The following CACNG2 variants were observed in gnomAD, a reference collection of about 807,000 sequenced individuals.
CACNG2 encodes the protein voltage-dependent calcium channel gamma-2 subunit.
CACNG2 carries 3 observed loss-of-function variants against 25.9 expected under a neutral mutation model. The ratio of observed to expected loss-of-function variants is 0.12; its 90% CI spans 0.05 to 0.30. CACNG2 has a LOEUF of 0.30. Ranked by LOEUF, CACNG2 falls within the 10% of genes least tolerant of loss-of-function variation. The pLI, the probability that CACNG2 is intolerant of heterozygous loss-of-function variation, is 1.00. For missense variants in CACNG2, 341 were observed against 432.5 expected (o/e 0.79, Z 1.88); for synonymous variants, 167 against 173.3 (o/e 0.96, Z 0.29).
intron 2 of CACNG2, among the ~76,000 whole-genome samples, chr22:36,582,343 C>T (rs1177887196): frequency 6.6e-6 from 1 of 152,108 alleles, no homozygotes; most frequent in Non-Finnish European, 1.5e-5. Context: ...CAGTCCTATT[C>T]CTCAGATATT....
intron 1 of CACNG2, among the ~76,000 whole-genome samples, chr22:36,592,347 A>G (rs898010683): frequency 2.0e-5 from 3 of 151,978 alleles, no homozygotes; most frequent in Non-Finnish European, 4.4e-5. Flanking sequence ...CAACGGTGGC[A>G]CGTGGTAGCC....
intron 1 of CACNG2, among the ~76,000 whole-genome samples, chr22:36,605,637 A>T (rs947603599): frequency 6.6e-6 from 1 of 152,156 alleles, no homozygotes; most frequent in East Asian, 1.9e-4. Flanking sequence ...TCTGTCATAG[A>T]GTTGTGAGAA....
chr22:36,586,086 C>T (rs559384101), intron 2 of CACNG2, among the ~76,000 whole-genome samples: 2 of 152,362 alleles, frequency 1.3e-5, no homozygotes, highest in South Asian at 2.1e-4. Context: ...TGGCTTCCCC[C>T]TTCTACATTC....
At chr22:36,663,257 G>A (rs1275684096) in intron 1 of CACNG2, among the ~76,000 whole-genome samples, 2 of 152,170 alleles carry the variant, frequency 1.3e-5, no homozygotes, top group African/African-American at 2.4e-5. Flanking sequence ...CCCTTTGAGC[G>A]TGATCACTTA....
At chr22:36,580,192 G>A (rs1445577478) in intron 2 of CACNG2, among the ~76,000 whole-genome samples, 3 of 152,188 alleles carry the variant, frequency 2.0e-5, no homozygotes, top group African/African-American at 4.8e-5. Flanking sequence ...GGAAGTGGCA[G>A]AGCTGGATTT....
intron 1 of CACNG2, among the ~76,000 whole-genome samples, chr22:36,623,055 C>T (rs1279472628): frequency 1.6e-5 from 2 of 124,604 alleles, no homozygotes; most frequent in Admixed American, 1.7e-4. Context: ...ATCTCTCTCT[C>T]TCTCTCCCAG....
intron 1 of CACNG2, among the ~76,000 whole-genome samples, chr22:36,618,748 G>A (rs781716251): frequency 5.9e-5 from 9 of 152,106 alleles, no homozygotes; most frequent in East Asian, 1.9e-4. Context: ...GTGAAACCCC[G>A]TCTCTACTAA....
intron 1 of CACNG2, among the ~76,000 whole-genome samples, chr22:36,633,991 C>T (rs1044353050): frequency 6.6e-6 from 1 of 152,066 alleles, no homozygotes; most frequent in Non-Finnish European, 1.5e-5. Context: ...GGAGAGGACC[C>T]CAGTGATGGT....
chr22:36,594,111 T>C (rs999828312), intron 1 of CACNG2, among the ~76,000 whole-genome samples: 9 of 152,094 alleles, frequency 5.9e-5, no homozygotes, highest in African/African-American at 2.2e-4. Context: ...TGGATCCAGG[T>C]GCTCCAAAAT....
At chr22:36,567,833 G>A (rs1375725478) in intron 2 of CACNG2, among the ~76,000 whole-genome samples, 2 of 152,070 alleles carry the variant, frequency 1.3e-5, no homozygotes, top group Non-Finnish European at 2.9e-5. Context: ...GCAGGGGTGA[G>A]GGAAAATATG....
chr22:36,595,919 C>A (rs1935671778), intron 1 of CACNG2, among the ~76,000 whole-genome samples: 1 of 152,202 alleles, frequency 6.6e-6, no homozygotes, highest in East Asian at 1.9e-4. Context: ...CCATGTCAGG[C>A]TGGGAATTGC....
Position 36,562,382 on chromosome 22 carries a change from A to G in CACNG2, c.*1969T>C. On this transcript the variant is annotated 3_prime_UTR_variant, in exon 4 of 4. Coordinates refer to ENST00000300105, the MANE Select transcript of CACNG2 (RefSeq NM_006078.5). Reference sequence around the variant, plus strand: ...AATCCACATGCTTACATGGGGGGAAAATTAAGGCCCAGAGAGGCCATGCAG... The same window carrying G: ...AATCCACATGCTTACATGGGGGGAAGATTAAGGCCCAGAGAGGCCATGCAG... 6.6e-6 allele frequency: 1 copy of G among 151,632 alleles called. No individual in the cohort carries two copies. Among genetic ancestry groups the G allele is most frequent in the East Asian group, 1.9e-4 (1 of 5,144 alleles). 9.4% of individuals were successfully genotyped at this position (151,632 alleles called of 1,614,324 possible).
chr22:36,668,994 A>G (rs1936911683), intron 1 of CACNG2, among the ~76,000 whole-genome samples: 1 of 152,130 alleles, frequency 6.6e-6, no homozygotes, highest in African/African-American at 2.4e-5. Context: ...TTCTTTTCTT[A>G]GCCTGCTGAT....
At chr22:36,631,755 A>T (rs1171540726) in intron 1 of CACNG2, among the ~76,000 whole-genome samples, 120 of 104,356 alleles carry the variant, frequency 1.1e-3, no homozygotes, top group African/African-American at 4.4e-3. Flanking sequence ...TTTTTTTTTT[A>T]CTGTGAAGCC....
chr22:36,567,248 A>G lies in CACNG2; in HGVS notation c.296-755T>C, dbSNP rs75810026. 6.2e-3 allele frequency among the ~76,000 whole-genome samples: 952 copies of G among 152,376 alleles called. 9 individuals are homozygous for G. The highest frequency in any genetic ancestry group is 0.012 in the Non-Finnish European group (805 of 68,044). On this transcript the variant is annotated intron_variant, in intron 2 of 3. Coordinates refer to ENST00000300105, the MANE Select transcript of CACNG2 (RefSeq NM_006078.5). ...TAGATAAGTTTCTGGTGTCTATAAT[A>G]AACATTCAATGCATGATATTATAAT... is the stretch of plus-strand genomic sequence containing the variant.
At chr22:36,617,541 A>G (rs1378613585) in intron 1 of CACNG2, among the ~76,000 whole-genome samples, 1 of 151,542 alleles carries the variant, frequency 6.6e-6, no homozygotes. Flanking sequence ...CTGTTTCCTC[A>G]TCTGAAAAAG....
intron 2 of CACNG2, among the ~76,000 whole-genome samples, chr22:36,582,281 C>T (rs1935430268): frequency 6.6e-6 from 1 of 152,228 alleles, no homozygotes; most frequent in Non-Finnish European, 1.5e-5. Flanking sequence ...GCTCTCCACA[C>T]TTGCTCTTCC....
At chr22:36,565,060 AC>A (rs944093125) in intron 3 of CACNG2, among the ~76,000 whole-genome samples, 174 bp from the exon 4 acceptor site, 7 of 152,198 alleles carry the variant, frequency 4.6e-5, no homozygotes, top group African/African-American at 1.7e-4. Context: ...CTTCCCCTTA[AC>A]ATTTTATCTT....
At chr22:36,661,121 C>T (rs903864495) in intron 1 of CACNG2, among the ~76,000 whole-genome samples, 10 of 152,190 alleles carry the variant, frequency 6.6e-5, no homozygotes, top group Admixed American at 1.3e-4. Context: ...CGGACCCTCC[C>T]AGGCACACCG....
Sources: allele counts gnomAD v4.1 joint callset (sites outside exome capture counted in the v4.1 genomes callset), GRCh38; gene constraint gnomAD v4.1.1; transcripts MANE v1.5; gene names NCBI Gene and HGNC (gene_info 2026-07-23, HGNC 2026-07-21).